XRCC3: variants seen among roughly 807,000 people sequenced by gnomAD.
The protein encoded by XRCC3 is X-ray repair cross complementing 3, also known as DNA repair protein XRCC3.
A neutral mutation model predicts 29.2 loss-of-function variants in XRCC3; 34 were observed. That is an observed-to-expected ratio of 1.16 (90% CI 0.88 to 1.55). The LOEUF (loss-of-function observed/expected upper bound fraction) is 1.55, where lower values mean the gene tolerates loss of function less well. Among genes scored for constraint, XRCC3 ranks in the 40% most tolerant of loss-of-function variants. The pLI is 0.00. For missense variants in XRCC3, 463 were observed against 467.6 expected, an observed-to-expected ratio of 0.99 and a Z score of 0.09; for synonymous variants, 223 against 211.3, an observed-to-expected ratio of 1.06 and a Z score of -0.48.
chr14:103,711,297 A>G, intron 3 of XRCC3, 52 bp from the exon 4 acceptor site: 3 of 683,386 alleles, frequency 4.4e-6, no homozygotes, highest in Non-Finnish European at 8.0e-6. Flanking sequence ...AGCTACATCT[A>G]GGGCAACATG....
chr14:103,710,869 C>CAT (rs1291904994), intron 4 of XRCC3, 164 bp downstream of exon 4: 2 of 673,778 alleles, frequency 3.0e-6, no homozygotes, highest in East Asian at 5.4e-5. Flanking sequence ...CACACACACA[C>CAT]ACACACACAC....
chr14:103,703,426 C>A (rs1321537911), intron 6 of XRCC3, 99 bp from the exon 7 acceptor site: 1 of 1,365,610 alleles, frequency 7.3e-7, no homozygotes, highest in Admixed American at 2.0e-5. Context: ...TTCTAACTCT[C>A]TGCCCCTCAC....
chr14:103,712,536 C>T (rs1485755450), intron 2 of XRCC3: 2 of 152,572 alleles, frequency 1.3e-5, no homozygotes, highest in Non-Finnish European at 2.9e-5. Context: ...TGGGACTCTC[C>T]AAGCCCTGAG....
chr14:103,706,147 C>T lies in XRCC3; in HGVS notation c.406+856G>A, dbSNP rs191183867. The T allele has an allele frequency of 7.5e-4, 265 of 355,542 alleles. 1 individual carries two copies. In the Middle Eastern group the frequency reaches 0.013, roughly 18 times the overall value. The allele number at this position is 355,542 out of a possible 1,614,324, so 22.0% of individuals were successfully genotyped here. ...GAGGCTCAGGAGACCCCTCACCCTCCACCCAGCACTGAAGCTCAGGCAGGC... is the reference window on the plus strand; with the variant it reads ...GAGGCTCAGGAGACCCCTCACCCTCTACCCAGCACTGAAGCTCAGGCAGGC... On this transcript the variant is annotated intron_variant, in intron 6 of 9. Coordinates refer to ENST00000555055, the MANE Select transcript of XRCC3 (RefSeq NM_005432.4).
rs189673164 is a variant in XRCC3 at position 103,701,272 on chromosome 14, G to A, written c.562-1696C>T. On this transcript the variant is annotated intron_variant, in intron 7 of 9. Transcript: ENST00000555055. ...CCGGAGCTGGCCCGGGACAGCCAGG[G>A]CGGCAGGGAGGGCCCCTGGCCGGGA... is the stretch of plus-strand genomic sequence containing the variant. The A allele has an allele frequency of 7.0e-4, 1,052 of 1,513,546 alleles. 10 individuals carry two copies. In the East Asian group the frequency reaches 0.017, roughly 25 times the overall value. The allele number at this position is 1,513,546 out of a possible 1,614,324, so 93.8% of individuals were successfully genotyped here.
intron 7 of XRCC3, chr14:103,701,485 G>A (rs750899275): frequency 2.6e-4 from 108 of 422,154 alleles, no homozygotes; most frequent in Non-Finnish European, 4.2e-4. Context: ...ACTTCCTCAC[G>A]TTGTGTGCGA....
intron 6 of XRCC3, chr14:103,704,257 G>C (rs896944949): frequency 6.6e-6 from 1 of 152,394 alleles, no homozygotes; most frequent in Non-Finnish European, 1.5e-5. Flanking sequence ...AGAGTCACAG[G>C]TAGGGAAAGG....
In XRCC3 at chr14:103,703,345, C is replaced by T. The variant is rs1226973596; in HGVS notation, c.407-18G>A. ...GACGGCTCCTGGGAAGCAAGAGTGCCTGATGTGCCCAGGGGACTCCAGACG... is the reference window on the plus strand; with the variant it reads ...GACGGCTCCTGGGAAGCAAGAGTGCTTGATGTGCCCAGGGGACTCCAGACG... On this transcript the variant is annotated intron_variant, in intron 6 of 9. Transcript: ENST00000555055. The T allele has an allele frequency of 1.3e-6, 2 of 1,542,552 alleles. No individual in the cohort carries two copies. Among genetic ancestry groups the T allele is most frequent in the Non-Finnish European group, 1.7e-6 (2 of 1,148,124 alleles).
At chr14:103,704,013 C>T (rs539979538) in intron 6 of XRCC3, 9 of 155,306 alleles carry the variant, frequency 5.8e-5, no homozygotes, top group South Asian at 3.9e-4. Context: ...GAACGTCCAC[C>T]GTAGCACGTT....
intron 9 of XRCC3, 47 bp from the exon 10 acceptor site, chr14:103,699,064 C>T (rs758701199): frequency 3.6e-5 from 56 of 1,562,896 alleles, no homozygotes; most frequent in South Asian, 7.0e-5. Context: ...TTGGTGGCCC[C>T]GCCCACTTCG....
Position 103,698,822 on chromosome 14 carries a change from C to T in XRCC3, c.1017G>A (p.Gly339=), listed in dbSNP as rs2082807082. 2 of 1,603,392 alleles carry T rather than the reference C, an allele frequency of 1.2e-6. No homozygotes were observed. The highest frequency in any genetic ancestry group is 1.3e-5 in the African/African-American group (1 of 74,744). Residue 339 remains glycine (G), a synonymous_variant, in exon 10 of 10, where the codon GGG becomes GGA. Coordinates refer to ENST00000555055, the MANE Select transcript of XRCC3 (RefSeq NM_005432.4). ...SYTISAEGVR[G]TPGTQSH is the part of the protein sequence containing the mutation. ...GTCAGTGGGACTGGGTCCCAGGTGTCCCTCGCACCCCTTCGGCACTGATCG... is the reference window on the plus strand; with the variant it reads ...GTCAGTGGGACTGGGTCCCAGGTGTTCCTCGCACCCCTTCGGCACTGATCG...
Position 103,707,217 on chromosome 14 carries a change from T to C in XRCC3, c.194-2A>G. ...CCTTCTGCTGGTGCAGCTGCAGTGC[T>C]AAAGGGCAGGGATAGTGTCAGGCCT... On this transcript the variant is annotated splice_acceptor_variant, in intron 5 of 9. Transcript: ENST00000555055. LOFTEE classifies it high-confidence loss of function. 6.5e-7 allele frequency: 1 copy of C among 1,548,576 alleles called. No homozygotes were observed. The highest frequency in any genetic ancestry group is 8.7e-7 in the Non-Finnish European group (1 of 1,146,664).
chr14:103,706,949 A>G (rs2083457389), intron 6 of XRCC3, 54 bp downstream of exon 6: 1 of 1,527,106 alleles, frequency 6.5e-7, no homozygotes, highest in Non-Finnish European at 8.8e-7. Context: ...GCTGTCCCAC[A>G]CAAAGCAGGG....
rs1293444225 is a variant in XRCC3, at chr14:103,710,728, C to T, written c.55+305G>A. ...CTGCACTCAAGCCTGGGTGACAGAG[C>T]GAGACCCCGTCTCCAAAAAAAAAAA... is the stretch of plus-strand genomic sequence containing the variant. On this transcript the variant is annotated intron_variant, in intron 4 of 9. Transcript: ENST00000555055. 2.6e-5 allele frequency: 9 copies of T among 344,592 alleles called. No individual in the cohort carries two copies. The East Asian group carries it at 4.4e-4, about 17-fold the overall frequency. The allele number at this position is 344,592 out of a possible 1,614,324, so 21.3% of individuals were successfully genotyped here. A position where few individuals can be genotyped will look rare whatever the true frequency, so the allele number is the denominator to read the frequency against.
intron 6 of XRCC3, chr14:103,704,983 T>A (rs542250179): frequency 6.6e-6 from 1 of 152,200 alleles, no homozygotes; most frequent in East Asian, 1.9e-4. Context: ...CGCCGTGTCA[T>A]GCAGCCTGTT....
At chr14:103,708,758 C>A (rs1478434586) in intron 4 of XRCC3, 99 bp from the exon 5 acceptor site, 1 of 1,506,206 alleles carries the variant, frequency 6.6e-7, no homozygotes, top group Non-Finnish European at 9.1e-7. Flanking sequence ...TGTGAGAGCA[C>A]CGTGCTTCCG....
At position 103,708,338 on chromosome 14, in the gene XRCC3, G is replaced by A. The variant is rs554664994; in HGVS notation, c.193+184C>T. 9.9e-5 allele frequency: 87 copies of A among 880,824 alleles called. No homozygotes were observed. The African/African-American group carries it at 1.2e-3, about 12-fold the overall frequency. 54.6% of individuals were successfully genotyped at this position (880,824 alleles called of 1,614,324 possible). ...GTCCACCTCACGCATCTTCTGACCC[G>A]ATGCTGTGACCACAGCCCCATGGGT... On this transcript the variant is annotated intron_variant, in intron 5 of 9. Transcript: ENST00000555055.
chr14:103,705,912 C>T (rs1327928784), intron 6 of XRCC3: 1 of 189,666 alleles, frequency 5.3e-6, no homozygotes, highest in East Asian at 1.4e-4. Context: ...GCAGCTCTTC[C>T]GTGCGGTAAG....
intron 4 of XRCC3, chr14:103,708,903 A>G: frequency 2.0e-6 from 1 of 505,886 alleles, no homozygotes; most frequent in Non-Finnish European, 3.6e-6. Context: ...GACAGATACC[A>G]GCCTCGTGAG....
Sources: gnomAD v4.1 joint callset for allele counts on GRCh38, gnomAD v4.1.1 for gene constraint, MANE v1.5 for transcripts, NCBI Gene and HGNC (gene_info 2026-07-23, HGNC 2026-07-21) for gene names.